MOXD1: variants seen among roughly 807,000 people sequenced by gnomAD.
MOXD1 encodes the protein monooxygenase DBH like 1.
Under a neutral mutation model 66.6 loss-of-function variants are expected in MOXD1, and 62 were observed. The observed-to-expected ratio is 0.93, with a 90% CI of 0.76 to 1.15. The LOEUF is 1.15. MOXD1 is among the 50% of genes most tolerant of loss of function. The pLI, the probability that MOXD1 is intolerant of heterozygous loss-of-function variation, is 0.00. For synonymous variants in MOXD1, 303 were observed against 281.9 expected (o/e 1.07, Z -0.75); for missense variants, 847 against 754.6 (o/e 1.12, Z -1.44).
chr6:132,338,721 A>T (rs1775490530), intron 4 of MOXD1, among the ~76,000 whole-genome samples: 1 of 152,156 alleles, frequency 6.6e-6, no homozygotes, highest in South Asian at 2.1e-4. Flanking sequence ...AACACATTTT[A>T]TTGGGTTTGA....
intron 4 of MOXD1, among the ~76,000 whole-genome samples, chr6:132,348,696 A>T (rs1389295216): frequency 6.6e-6 from 1 of 152,230 alleles, no homozygotes; most frequent in Non-Finnish European, 1.5e-5. Flanking sequence ...TGTAATTCAC[A>T]ACCTGCATAA....
At chr6:132,353,608 T>C (rs1203109486) in intron 4 of MOXD1, among the ~76,000 whole-genome samples, 1 of 152,214 alleles carries the variant, frequency 6.6e-6, no homozygotes. Context: ...TTCCTTCATC[T>C]TAACTTCATC....
chr6:132,321,002 C>T (rs971675559), intron 8 of MOXD1, among the ~76,000 whole-genome samples: 3 of 152,186 alleles, frequency 2.0e-5, no homozygotes, highest in Non-Finnish European at 2.9e-5. Context: ...CACGGTGGCT[C>T]ACGCCTGTAA....
At chr6:132,386,102 CA>C (rs562046512) in intron 1 of MOXD1, among the ~76,000 whole-genome samples, 10,979 of 88,960 alleles carry the variant, frequency 0.12, 1,030 homozygotes, top group African/African-American at 0.28. Context: ...GACTGCGTCT[CA>C]AAAAAAAAAA....
At chr6:132,345,681 A>G (rs373497559) in intron 4 of MOXD1, among the ~76,000 whole-genome samples, 6 of 152,242 alleles carry the variant, frequency 3.9e-5, no homozygotes, top group Admixed American at 3.3e-4. Context: ...TTATTTTTTA[A>G]TGTAAAATTT....
chr6:132,306,558 A>C (rs1196562645), intron 10 of MOXD1, among the ~76,000 whole-genome samples: 6 of 152,004 alleles, frequency 3.9e-5, no homozygotes, highest in Non-Finnish European at 7.4e-5. Context: ...GACACATAAT[A>C]ATCAGATTCT....
intron 6 of MOXD1, among the ~76,000 whole-genome samples, chr6:132,327,157 C>T (rs1478391827): frequency 6.6e-6 from 1 of 152,134 alleles, no homozygotes; most frequent in Non-Finnish European, 1.5e-5. Context: ...ACTTTTTAGC[C>T]CATCCCCACC....
At chr6:132,308,873 AAT>A (rs2114541963) in intron 10 of MOXD1, among the ~76,000 whole-genome samples, 1 of 152,338 alleles carries the variant, frequency 6.6e-6, no homozygotes, top group East Asian at 1.9e-4. Flanking sequence ...AATATCTCAA[AAT>A]AATAAGAGCT....
At chr6:132,398,544 A>G (rs946285257) in intron 1 of MOXD1, among the ~76,000 whole-genome samples, 3 of 152,156 alleles carry the variant, frequency 2.0e-5, no homozygotes, top group Admixed American at 1.3e-4. Context: ...CCGGGAGCCA[A>G]TGTTTTTTGT....
intron 4 of MOXD1, among the ~76,000 whole-genome samples, chr6:132,342,556 C>G (rs1196680821): frequency 6.6e-6 from 1 of 152,058 alleles, no homozygotes; most frequent in Non-Finnish European, 1.5e-5. Context: ...GTATGAGTGT[C>G]TGTGTGTGTG....
At chr6:132,317,565 A>T (rs566150695) in intron 9 of MOXD1, among the ~76,000 whole-genome samples, 1 of 152,162 alleles carries the variant, frequency 6.6e-6, no homozygotes, top group Non-Finnish European at 1.5e-5. Flanking sequence ...TGAGGTACAC[A>T]GCTGTGAGCT....
chr6:132,308,202 C>T (rs1464246763), intron 10 of MOXD1, among the ~76,000 whole-genome samples: 1 of 151,842 alleles, frequency 6.6e-6, no homozygotes, highest in African/African-American at 2.4e-5. Flanking sequence ...TCACCAATGG[C>T]CCCACAGAAA....
At chr6:132,316,439 T>G (rs2114558912) in intron 9 of MOXD1, among the ~76,000 whole-genome samples, 1 of 152,154 alleles carries the variant, frequency 6.6e-6, no homozygotes, top group Non-Finnish European at 1.5e-5. Context: ...AAAAATATGT[T>G]CAATAAAGCC....
chr6:132,331,241 A>G (rs959006199), intron 4 of MOXD1, among the ~76,000 whole-genome samples: 3 of 152,208 alleles, frequency 2.0e-5, no homozygotes, highest in East Asian at 3.9e-4. Flanking sequence ...TAAAATATTC[A>G]GGCACATGTG....
At chr6:132,331,623 C>T (rs1775320305) in intron 4 of MOXD1, among the ~76,000 whole-genome samples, 1 of 152,116 alleles carries the variant, frequency 6.6e-6, no homozygotes, top group African/African-American at 2.4e-5. Context: ...ACATATGAAT[C>T]ATTCTATGTA....
intron 10 of MOXD1, among the ~76,000 whole-genome samples, chr6:132,306,709 A>G (rs955707359): frequency 6.6e-6 from 1 of 152,362 alleles, no homozygotes; most frequent in African/African-American, 2.4e-5. Context: ...GCCAATATTC[A>G]ACATTCTTAA....
rs551996573 is a variant in MOXD1 at position 132,328,729 on chromosome 6, T to C, written c.664-135A>G. On this transcript the variant is annotated intron_variant, in intron 4 of 11. Transcript: ENST00000367963. The stretch of plus-strand genomic sequence containing the variant: ...TCTTCTCAATTATGTCAAGGTTGTG[T>C]AGTTCAAGTCTAATTTGTTCTGGAG... 1.1e-3 allele frequency: 943 copies of C among 839,542 alleles called. 2 individuals are homozygous for C. The highest frequency in any genetic ancestry group is 1.5e-3 in the Non-Finnish European group (847 of 554,466). The allele number at this position is 839,542 out of a possible 1,614,324, so 52.0% of individuals were successfully genotyped here. A position where few individuals can be genotyped will look rare whatever the true frequency, so the allele number is the denominator to read the frequency against.
intron 8 of MOXD1, 122 bp from the exon 9 acceptor site, chr6:132,320,810 G>A (rs9493286): frequency 0.045 from 34,013 of 752,044 alleles, 3,763 homozygotes; most frequent in East Asian, 0.35. Flanking sequence ...ATTTCATTCA[G>A]CAGAAGACCC....
At position 132,328,468 on chromosome 6, in the gene MOXD1, C is replaced by T. The variant is rs745934772; in HGVS notation, c.790G>A (p.Asp264Asn). The T allele has an allele frequency of 1.2e-5, 20 of 1,614,030 alleles. No homozygotes were observed. In the African/African-American group the frequency reaches 1.3e-4, roughly 11 times the overall value. ...GHECYHPNMP[D>N]AFLTCETVIF... ...ACAGTTTCACAGGTGAGGAATGCAT[C>T]GGGCATGTTGGGGTGATAGCACTCG... The change falls in exon 5 of 12, where the codon GAT becomes AAT. Residue 264 changes from aspartate to asparagine, a missense_variant. Asp to Asn is a conservative substitution (Grantham distance 23, BLOSUM62 1). Coordinates refer to ENST00000367963, the MANE Select transcript of MOXD1 (RefSeq NM_015529.4).
Sources: allele counts gnomAD v4.1 joint callset (sites outside exome capture counted in the v4.1 genomes callset), GRCh38; gene constraint gnomAD v4.1.1; transcripts MANE v1.5; gene names NCBI Gene and HGNC (gene_info 2026-07-23, HGNC 2026-07-21).